COL8A1: variants seen among roughly 807,000 people sequenced by gnomAD.
COL8A1 encodes the protein collagen type VIII alpha 1 chain.
A neutral mutation model predicts 42.7 loss-of-function variants in COL8A1; 21 were observed. The observed-to-expected ratio is 0.49, with a 90% CI of 0.35 to 0.71. COL8A1 has a LOEUF of 0.71. COL8A1 is among the 30% of genes least tolerant of loss of function. The probability of loss-of-function intolerance (pLI) is 0.01; values close to 1 mark genes in which losing one functional copy is unlikely to be tolerated. For missense variants in COL8A1, 788 were observed against 962.4 expected (o/e 0.82, Z 2.40); for synonymous variants, 367 against 369.1 (o/e 0.99, Z 0.06).
In COL8A1 at chr3:99,794,842, G is replaced by C; in HGVS notation, c.941G>C (p.Gly314Ala). 6.2e-7 allele frequency: 1 copy of C among 1,612,452 alleles called. No homozygotes were observed. The highest frequency in any genetic ancestry group is 2.2e-5 in the East Asian group (1 of 44,838). The change falls in exon 4 of 4, where the codon GGA (glycine) becomes GCA (alanine). Residue 314 changes from glycine (G) to alanine (A), a missense_variant. Physicochemically the swap from Gly to Ala is moderately conservative, Grantham distance 60. Around this residue, in one of 4 missense-constraint regions of COL8A1, gnomAD observed 421 missense variants for 553.1 expected, o/e 0.76. Coordinates refer to ENST00000652472, the MANE Select transcript of COL8A1 (RefSeq NM_020351.4). The surrounding 1 kb of genome is among the most constrained non-coding windows in gnomAD (Gnocchi z 4.3). Reference protein sequence around the residue: ...PGVQGPPGIPGIGKPGQDGIP... With the variant: ...PGVQGPPGIPAIGKPGQDGIP... ...GTTCAAGGACCTCCTGGGATACCCG[G>C]AATTGGAAAGCCAGGCCAGGATGGG...
intron 1 of COL8A1, among the ~76,000 whole-genome samples, chr3:99,699,071 C>T (rs1465269512): frequency 6.6e-6 from 1 of 152,194 alleles, no homozygotes; most frequent in East Asian, 1.9e-4. Flanking sequence ...CTGGGTTTCT[C>T]CACGTGATAA....
At chr3:99,669,132 T>C (rs1448864424) in intron 1 of COL8A1, among the ~76,000 whole-genome samples, 4 of 113,492 alleles carry the variant, frequency 3.5e-5, no homozygotes, top group African/African-American at 6.4e-5. Context: ...ATTATATATA[T>C]ATATATATAT....
intron 2 of COL8A1, among the ~76,000 whole-genome samples, chr3:99,751,122 A>G (rs184908041): frequency 3.7e-4 from 57 of 152,344 alleles, no homozygotes; most frequent in South Asian, 2.9e-3. Flanking sequence ...AAATTTTACT[A>G]CAAAGAAAAT....
At chr3:99,722,447 G>A (rs1354533690) in intron 1 of COL8A1, among the ~76,000 whole-genome samples, 1 of 152,104 alleles carries the variant, frequency 6.6e-6, no homozygotes, top group Admixed American at 6.6e-5. Context: ...GCAGGAGTAG[G>A]TACCTGACAA....
At chr3:99,660,472 T>G (rs551926355) in intron 1 of COL8A1, among the ~76,000 whole-genome samples, 96 of 152,324 alleles carry the variant, frequency 6.3e-4, no homozygotes, top group Non-Finnish European at 1.1e-3. Context: ...GTTACATCCT[T>G]GCAGTCAGCC....
At chr3:99,771,807 G>A (rs1238716958) in intron 2 of COL8A1, among the ~76,000 whole-genome samples, 1 of 152,172 alleles carries the variant, frequency 6.6e-6, no homozygotes, top group Non-Finnish European at 1.5e-5. Context: ...GTAGGATGAG[G>A]TGTCCATATG....
intron 1 of COL8A1, among the ~76,000 whole-genome samples, chr3:99,673,237 C>A (rs920082767): frequency 6.6e-6 from 1 of 151,934 alleles, no homozygotes; most frequent in Non-Finnish European, 1.5e-5. Flanking sequence ...ATAATTTTAT[C>A]AAAATCACTA....
chr3:99,712,495 G>T (rs1284270747), intron 1 of COL8A1, among the ~76,000 whole-genome samples: 6 of 152,114 alleles, frequency 3.9e-5, no homozygotes, highest in East Asian at 1.9e-4. Context: ...TGATTTATAG[G>T]CCCTGAATTG....
intron 1 of COL8A1, among the ~76,000 whole-genome samples, chr3:99,689,715 T>TGA (rs1939162040): frequency 1.3e-5 from 2 of 152,128 alleles, no homozygotes; most frequent in African/African-American, 2.4e-5. Context: ...CATTTAAAAG[T>TGA]TTCTCAATAT....
intron 2 of COL8A1, among the ~76,000 whole-genome samples, chr3:99,783,971 T>C (rs1941844194): frequency 6.6e-6 from 1 of 152,222 alleles, no homozygotes; most frequent in African/African-American, 2.4e-5. Context: ...AGTGGCTTTG[T>C]GACTTAATGA....
chr3:99,721,519 C>CAGGG (rs1940155884), intron 1 of COL8A1, among the ~76,000 whole-genome samples: 1 of 151,740 alleles, frequency 6.6e-6, no homozygotes, highest in Non-Finnish European at 1.5e-5. Context: ...AGAGAGGAGA[C>CAGGG]AGGGACCCTG....
chr3:99,682,391 C>A (rs1938912740), intron 1 of COL8A1, among the ~76,000 whole-genome samples: 2 of 152,048 alleles, frequency 1.3e-5, no homozygotes, highest in African/African-American at 4.8e-5. Context: ...GCACTCCAGC[C>A]TGGATGACAG....
chr3:99,773,323 A>G (rs1274006169), intron 2 of COL8A1, among the ~76,000 whole-genome samples: 1 of 152,170 alleles, frequency 6.6e-6, no homozygotes, highest in African/African-American at 2.4e-5. Flanking sequence ...TCCACGTCAT[A>G]GTGAGCAGGC....
chr3:99,736,774 T>A (rs1172362240), intron 1 of COL8A1, among the ~76,000 whole-genome samples: 1 of 151,344 alleles, frequency 6.6e-6, no homozygotes, highest in African/African-American at 2.4e-5. Context: ...TGAGTTCAAT[T>A]CCTGGGTATC....
At chr3:99,727,672 G>A (rs1315422091) in intron 1 of COL8A1, among the ~76,000 whole-genome samples, 1 of 151,964 alleles carries the variant, frequency 6.6e-6, no homozygotes, top group African/African-American at 2.4e-5. Flanking sequence ...ACCAAAGCCT[G>A]GCAGAGACAC....
At chr3:99,704,431 C>T (rs1939624332) in intron 1 of COL8A1, among the ~76,000 whole-genome samples, 1 of 150,874 alleles carries the variant, frequency 6.6e-6, no homozygotes, top group Non-Finnish European at 1.5e-5. Flanking sequence ...TTTTATTAAA[C>T]TTTAAGTTTT....
intron 2 of COL8A1, among the ~76,000 whole-genome samples, chr3:99,773,630 C>CT (rs1388381337): frequency 3.3e-5 from 5 of 150,932 alleles, no homozygotes; most frequent in Non-Finnish European, 7.4e-5. Context: ...CCAAAAGGTA[C>CT]TTTAACGAAT....
At chr3:99,650,382 C>T (rs547496000) in intron 1 of COL8A1, among the ~76,000 whole-genome samples, 2 of 152,254 alleles carry the variant, frequency 1.3e-5, no homozygotes, top group South Asian at 2.1e-4. Context: ...TACAGCTGAG[C>T]TCTCCAATAT....
At chr3:99,771,345 A>G (rs1941577810) in intron 2 of COL8A1, among the ~76,000 whole-genome samples, 1 of 152,216 alleles carries the variant, frequency 6.6e-6, no homozygotes, top group African/African-American at 2.4e-5. Flanking sequence ...AAGACTGATG[A>G]CCATTTTTGA....
Sources: gnomAD v4.1 joint callset for allele counts (sites outside exome capture counted in the v4.1 genomes callset) on GRCh38, gnomAD v4.1.1 for gene constraint, gnomAD v4.1.1 regional missense constraint, Gnocchi (gnomAD v3.1) non-coding constraint, MANE v1.5 for transcripts, NCBI Gene and HGNC (gene_info 2026-07-23, HGNC 2026-07-21) for gene names.